The following DST variants were observed in gnomAD, a reference collection of about 807,000 sequenced individuals.
DST encodes dystonin.
DST carries 253 observed loss-of-function variants against 875.2 expected under a neutral mutation model. The observed-to-expected ratio is 0.29, with a 90% confidence interval of 0.26 to 0.32. The LOEUF (loss-of-function observed/expected upper bound fraction) is 0.32. Among genes scored for constraint, DST ranks in the 10% least tolerant of loss-of-function variants. DST has a pLI of 1.00. For synonymous variants in DST, 3,124 were observed against 3,197.1 expected (o/e 0.98, Z 0.77); for missense variants, 8,287 against 9,111.6 (o/e 0.91, Z 3.68).
intron 4 of DST, among the ~76,000 whole-genome samples, chr6:56,834,971 T>G (rs1475570985): frequency 6.6e-6 from 1 of 152,216 alleles, no homozygotes; most frequent in East Asian, 1.9e-4. Context: ...GGTGAATGGA[T>G]AAGTAAACTT....
rs1333885530 is a variant in DST, at chr6:56,553,466, G to A, written c.15326C>T (p.Ala5109Val). ...GGTTTTTTCATACATATGAGACTGA[G>A]CGGTCAAAGTTTTACTAAAGTCTTT... ...DHKDFSKTLT[A>V]QSHMYEKTIA... The change falls in exon 61 of 104, where the codon GCT (alanine) becomes GTT (valine). Residue 5109 changes from alanine to valine, a missense_variant. Around this residue, in one of 10 missense-constraint regions of DST, gnomAD observed 1,513 missense variants for 1,677.8 expected, o/e 0.90. Transcript: ENST00000680361. The A allele has an allele frequency of 5.0e-6, 8 of 1,613,020 alleles. No homozygotes were observed. Among genetic ancestry groups the A allele is most frequent in the Non-Finnish European group, 6.8e-6 (8 of 1,179,676 alleles).
rs1213220847 is a variant in DST at position 56,954,477 on chromosome 6, G to A, written c.111C>T (p.Cys37=). Reference sequence around the variant, plus strand: ...TCCCTTTCTGGAGCTTGCGGTGCCAGCAGCAGAAGAAGACGATGGTGGCGA... The same window carrying A: ...TCCCTTTCTGGAGCTTGCGGTGCCAACAGCAGAAGAAGACGATGGTGGCGA... ...GTIATIVFFC[C]WHRKLQKGRH... Residue 37 remains cysteine, a synonymous_variant, in exon 1 of 104, where the codon TGC becomes TGT. Coordinates refer to ENST00000680361, the MANE Select transcript of DST (RefSeq NM_001374736.1). 5 of 1,367,548 alleles carry A rather than the reference G, an allele frequency of 3.7e-6. No homozygotes were observed. The highest frequency in any genetic ancestry group is 4.9e-6 in the Non-Finnish European group (5 of 1,021,826). 84.7% of individuals were successfully genotyped at this position (1,367,548 alleles called of 1,614,324 possible). A position where few individuals can be genotyped will look rare whatever the true frequency, so the allele number is the denominator to read the frequency against.
At chr6:56,610,210 G>A (rs1337396580) in intron 39 of DST, among the ~76,000 whole-genome samples, 1 of 152,140 alleles carries the variant, frequency 6.6e-6, no homozygotes, top group Non-Finnish European at 1.5e-5. Context: ...ACCATGCAAG[G>A]CAGAGATTAA....
Position 56,952,283 on chromosome 6 carries a change from C to G in DST, c.216+1502G>C, listed in dbSNP as rs534823822. On this transcript the variant is annotated intron_variant, in intron 2 of 103. Coordinates refer to ENST00000680361, the MANE Select transcript of DST (RefSeq NM_001374736.1). Reference sequence around the variant, plus strand: ...ATCTCATTTTTTGTTTGTGCTTTAGCTGAAATATCTGATGGCTAGTATAAT... The same window carrying G: ...ATCTCATTTTTTGTTTGTGCTTTAGGTGAAATATCTGATGGCTAGTATAAT... Among the ~76,000 whole-genome samples the G allele has an allele frequency of 4.6e-5, 7 of 152,262 alleles. No homozygotes were observed. In the South Asian group the frequency reaches 6.2e-4, roughly 14 times the overall value.
chr6:56,527,913 C>A (rs1309730310), intron 67 of DST, among the ~76,000 whole-genome samples, 179 bp from the exon 68 acceptor site: 1 of 152,120 alleles, frequency 6.6e-6, no homozygotes, highest in Non-Finnish European at 1.5e-5. Context: ...AGATTTCCAG[C>A]AAATCTAAAT....
intron 4 of DST, among the ~76,000 whole-genome samples, chr6:56,821,930 T>C (rs1317349657): frequency 1.3e-5 from 2 of 152,254 alleles, no homozygotes; most frequent in East Asian, 1.9e-4. Flanking sequence ...CATCCAAGTC[T>C]TCCATCAAAG....
chr6:56,637,810 T>C (rs1170613410), intron 22 of DST, among the ~76,000 whole-genome samples: 1 of 152,100 alleles, frequency 6.6e-6, no homozygotes, highest in African/African-American at 2.4e-5. Flanking sequence ...AAGCCTGTCA[T>C]TTTCCCTCCT....
chr6:56,836,169 T>C (rs980176872), intron 4 of DST, among the ~76,000 whole-genome samples: 4 of 152,178 alleles, frequency 2.6e-5, no homozygotes, highest in African/African-American at 9.7e-5. Flanking sequence ...GTTGTAGTAT[T>C]AATCAAAATC....
chr6:56,516,143 G>GAA (rs147289321), intron 71 of DST, among the ~76,000 whole-genome samples: 2 of 142,702 alleles, frequency 1.4e-5, no homozygotes, highest in African/African-American at 2.6e-5. Context: ...GAGAGAGAGA[G>GAA]AGAGAAAGAG....
At chr6:56,718,776 A>T (rs2099403929) in intron 5 of DST, among the ~76,000 whole-genome samples, 1 of 152,202 alleles carries the variant, frequency 6.6e-6, no homozygotes, top group African/African-American at 2.4e-5. Context: ...GAACCTCAAA[A>T]ATATTATGCT....
chr6:56,896,851 A>G (rs1406605364), intron 3 of DST, among the ~76,000 whole-genome samples: 1 of 152,144 alleles, frequency 6.6e-6, no homozygotes, highest in Non-Finnish European at 1.5e-5. Context: ...TTCATTGTAG[A>G]TTCTGGATAT....
chr6:56,769,860 C>G (rs1444530934), intron 4 of DST, among the ~76,000 whole-genome samples: 3 of 152,154 alleles, frequency 2.0e-5, no homozygotes, highest in South Asian at 2.1e-4. Flanking sequence ...TTCCTGTCCT[C>G]AAAAAGCTTA....
chr6:56,623,088 G>A (rs899116720), intron 36 of DST, among the ~76,000 whole-genome samples: 5 of 152,090 alleles, frequency 3.3e-5, no homozygotes, highest in African/African-American at 9.7e-5. Context: ...GCCTTCGCTT[G>A]TTCTTCCATA....
At chr6:56,769,799 T>C (rs932178930) in intron 4 of DST, among the ~76,000 whole-genome samples, 10 of 152,064 alleles carry the variant, frequency 6.6e-5, no homozygotes, top group Non-Finnish European at 8.8e-5. Context: ...CCTGGGCAAG[T>C]GGCGTTGCAA....
Position 56,469,676 on chromosome 6 carries a change from T to C in DST, c.22551+207A>G, listed in dbSNP as rs780998935. ...TTAAAGGTAATGTGCATGATGTAGA[T>C]GTCAAAGATATTTCCTAATATGCAA... On this transcript the variant is annotated intron_variant, in intron 97 of 103. Transcript: ENST00000680361. Among the ~76,000 whole-genome samples, 84 of 152,286 alleles carry C rather than the reference T, an allele frequency of 5.5e-4. 1 individual carries two copies. The highest frequency in any genetic ancestry group is 1.1e-3 in the Non-Finnish European group (74 of 68,004).
chr6:56,692,443 C>A (rs1010302179), intron 9 of DST: 1 of 1,289,258 alleles, frequency 7.8e-7, no homozygotes, highest in Non-Finnish European at 1.0e-6. Context: ...AAGGGAATGG[C>A]ATCTCTTTTT....
rs749774137 is a variant in DST at position 56,954,639 on chromosome 6, C to G, written c.-52G>C. The G allele has an allele frequency of 1.1e-5, 13 of 1,223,168 alleles. No homozygotes were observed. In the East Asian group the frequency reaches 5.7e-4, roughly 54 times the overall value. The allele number at this position is 1,223,168 out of a possible 1,614,324, so 75.8% of individuals were successfully genotyped here. A position where few individuals can be genotyped will look rare whatever the true frequency, so the allele number is the denominator to read the frequency against. ...ACGGCGGGGCTGGAGGGCGGCGGCA[C>G]AGGCACCCGCGCTGGGCGCACGCCG... is the stretch of plus-strand genomic sequence containing the variant. On this transcript the variant is annotated 5_prime_UTR_variant, in exon 1 of 104. Transcript: ENST00000680361.
At position 56,529,480 on chromosome 6, in the gene DST, C is replaced by T. The variant is rs1471206424; in HGVS notation, c.17563G>A (p.Glu5855Lys). Reference sequence around the variant, plus strand: ...TCAGACTGCTGCTTCCATAGCCCCTCAGTGCTGTAATCCTGGACTGAGAGC... The same window carrying T: ...TCAGACTGCTGCTTCCATAGCCCCTTAGTGCTGTAATCCTGGACTGAGAGC... Reference protein sequence around the residue: ...SKLSVQDYSTEGLWKQQSELR... With the variant: ...SKLSVQDYSTKGLWKQQSELR... The change falls in exon 66 of 104, where the codon GAG (glutamate) becomes AAG (lysine). Residue 5855 changes from glutamate (E) to lysine (K), a missense_variant. Glu to Lys is a moderately conservative substitution (Grantham distance 56). This residue lies in a region of DST where 777 missense variants were observed against 764.8 expected (regional missense o/e 1.02). Transcript: ENST00000680361. 1 of 1,562,724 alleles carries T rather than the reference C, an allele frequency of 6.4e-7. No homozygotes were observed. Among genetic ancestry groups the T allele is most frequent in the African/African-American group, 1.4e-5 (1 of 73,834 alleles).
intron 4 of DST, among the ~76,000 whole-genome samples, chr6:56,799,829 G>A (rs926452440): frequency 2.6e-5 from 4 of 151,836 alleles, no homozygotes; most frequent in African/African-American, 4.8e-5. Flanking sequence ...TCACCATCTT[G>A]GCCAAGCTGG....
Sources: gnomAD v4.1 joint callset for allele counts (sites outside exome capture counted in the v4.1 genomes callset) on GRCh38, gnomAD v4.1.1 for gene constraint, gnomAD v4.1.1 regional missense constraint, MANE v1.5 for transcripts, NCBI Gene and HGNC (gene_info 2026-07-23, HGNC 2026-07-21) for gene names.